ZNF675: variants seen among roughly 807,000 people sequenced by gnomAD.
The protein encoded by ZNF675 is TRAF6 inhibitory zinc finger.
In ZNF675, 36 loss-of-function variants were observed where a neutral mutation model predicts 56.1. The observed-to-expected ratio is 0.64, with a 90% confidence interval of 0.49 to 0.85. ZNF675 has a LOEUF of 0.85. ZNF675 is among the 40% of genes least tolerant of loss of function. The probability of loss-of-function intolerance (pLI) is 0.00; values close to 1 mark genes in which losing one functional copy is unlikely to be tolerated. For synonymous variants in ZNF675, 200 were observed against 218.9 expected (o/e 0.91, Z 0.76); for missense variants, 663 against 654.2 (o/e 1.01, Z -0.15).
At chr19:23,674,597 G>A (rs1361559913) in intron 1 of ZNF675, among the ~76,000 whole-genome samples, 2 of 138,624 alleles carry the variant, frequency 1.4e-5, no homozygotes, top group African/African-American at 2.8e-5. Flanking sequence ...GAGCCTGGTC[G>A]ACAGAACGAG....
At chr19:23,655,105 C>T (rs142148231) in intron 3 of ZNF675, 14,586 of 153,456 alleles carry the variant, frequency 0.095, 764 homozygotes, top group East Asian at 0.22. Flanking sequence ...GGCATGGTGG[C>T]GGGAGCCTGT....
At chr19:23,687,001 C>A (rs766914401) in intron 1 of ZNF675, 30 bp downstream of exon 1, 16 of 1,613,672 alleles carry the variant, frequency 9.9e-6, no homozygotes, top group Non-Finnish European at 1.3e-5. Flanking sequence ...CCCCTTCCCC[C>A]TCTCGGGATG....
chr19:23,684,847 GA>G (rs1266407611), intron 1 of ZNF675, among the ~76,000 whole-genome samples: 2 of 151,948 alleles, frequency 1.3e-5, no homozygotes, highest in Non-Finnish European at 2.9e-5. Context: ...TTTGTCTTTT[GA>G]AATGCTATTT....
intron 1 of ZNF675, among the ~76,000 whole-genome samples, chr19:23,670,836 T>C (rs998773764): frequency 6.6e-6 from 1 of 152,146 alleles, no homozygotes; most frequent in Non-Finnish European, 1.5e-5. Flanking sequence ...TAGCAACCTG[T>C]TGCATCCCTT....
chr19:23,681,708 G>A (rs1299995581), intron 1 of ZNF675, among the ~76,000 whole-genome samples: 1 of 151,642 alleles, frequency 6.6e-6, no homozygotes, highest in Non-Finnish European at 1.5e-5. Flanking sequence ...AAACTTCATG[G>A]GCTGATCTAT....
intron 1 of ZNF675, among the ~76,000 whole-genome samples, chr19:23,671,350 C>T (rs550880464): frequency 6.6e-6 from 1 of 152,172 alleles, no homozygotes; most frequent in South Asian, 2.1e-4. Flanking sequence ...AGAAAAACGG[C>T]AAGTCAAAAT....
intron 1 of ZNF675, among the ~76,000 whole-genome samples, chr19:23,676,302 A>G (rs1968293740): frequency 1.3e-5 from 2 of 151,800 alleles, no homozygotes; most frequent in Non-Finnish European, 2.9e-5. Context: ...TATTTTTACT[A>G]AAACTATTCC....
chr19:23,666,076 G>A (rs980295729), intron 1 of ZNF675, among the ~76,000 whole-genome samples: 1 of 152,214 alleles, frequency 6.6e-6, no homozygotes, highest in Non-Finnish European at 1.5e-5. Flanking sequence ...AGGGTCTGGA[G>A]GCAGGGAACC....
At chr19:23,667,808 C>T (rs538477502) in intron 1 of ZNF675, among the ~76,000 whole-genome samples, 3 of 150,378 alleles carry the variant, frequency 2.0e-5, no homozygotes, top group Non-Finnish European at 2.9e-5. Context: ...CTCCAAGGCC[C>T]CACCAGAGCA....
intron 1 of ZNF675, among the ~76,000 whole-genome samples, chr19:23,684,657 A>G (rs1968420852): frequency 6.6e-6 from 1 of 152,082 alleles, no homozygotes. Flanking sequence ...AAAAAAAAGA[A>G]AACAGGTGTG....
At chr19:23,679,714 A>C (rs7255358) in intron 1 of ZNF675, among the ~76,000 whole-genome samples, 146,570 of 151,020 alleles carry the variant, frequency 0.97, 71,434 homozygotes, top group Middle Eastern at 1. Context: ...CAGGCACCAC[A>C]ACCTACTTGC....
intron 1 of ZNF675, among the ~76,000 whole-genome samples, chr19:23,670,077 C>A (rs1259750056): frequency 1.3e-5 from 2 of 152,018 alleles, no homozygotes; most frequent in Non-Finnish European, 2.9e-5. Flanking sequence ...CTCTACTTTG[C>A]AAAGTCCTCT....
At chr19:23,669,846 C>CT (rs1968206287) in intron 1 of ZNF675, among the ~76,000 whole-genome samples, 1 of 111,724 alleles carries the variant, frequency 9.0e-6, no homozygotes, top group Admixed American at 1.1e-4. Context: ...GAGCAAGACT[C>CT]TGTCTCAAAA....
chr19:23,659,829 T>A (rs1187706790), intron 3 of ZNF675, among the ~76,000 whole-genome samples: 2 of 151,772 alleles, frequency 1.3e-5, no homozygotes, highest in Non-Finnish European at 2.9e-5. Context: ...TACAGCCATG[T>A]GGACTGGCCT....
rs766021054 is a variant in ZNF675 at position 23,654,512 on chromosome 19, T to C, written c.421A>G (p.Ser141Gly). Residue 141 changes from serine to glycine, a missense_variant, in exon 4 of 4, where the codon AGC (serine) becomes GGC (glycine). Transcript: ENST00000359788. ...GLNQCLPTMQ[S>G]KMFQCDKYVK... ...TATTTATCACATTGAAACATTTTGC[T>C]CTGCATAGTTGGTAAACATTGGTTA... 1.9e-6 allele frequency: 3 copies of C among 1,605,074 alleles called. No homozygotes were observed. The highest frequency in any genetic ancestry group is 2.6e-6 in the Non-Finnish European group (3 of 1,175,856).
chr19:23,653,462 G>A lies in ZNF675; in HGVS notation c.1471C>T (p.His491Tyr). 1.9e-6 allele frequency: 3 copies of A among 1,612,858 alleles called. No individual in the cohort carries two copies. Among genetic ancestry groups the A allele is most frequent in the Non-Finnish European group, 2.5e-6 (3 of 1,179,722 alleles). The change falls in exon 4 of 4, where the codon CAC becomes TAC. Residue 491 changes from histidine to tyrosine, a missense_variant. Transcript: ENST00000359788. ...TTATGTGTAGTAAGGGATGAGGAGTGTTTAAAAGCTTTGCCACATTCTTCA... is the reference window on the plus strand; with the variant it reads ...TTATGTGTAGTAAGGGATGAGGAGTATTTAAAAGCTTTGCCACATTCTTCA... ...KCEECGKAFK[H>Y]SSSLTTHKRI...
intron 1 of ZNF675, among the ~76,000 whole-genome samples, chr19:23,669,550 G>A (rs2144938756): frequency 6.6e-6 from 1 of 152,172 alleles, no homozygotes; most frequent in East Asian, 1.9e-4. Flanking sequence ...TTAAAGGGTT[G>A]CTTTAAATGG....
intron 1 of ZNF675, among the ~76,000 whole-genome samples, chr19:23,682,872 AT>A: frequency 6.6e-6 from 1 of 151,842 alleles, no homozygotes; most frequent in East Asian, 1.9e-4. Flanking sequence ...CAATTAAAGT[AT>A]TATTTTATTA....
chr19:23,676,508 T>C (rs1421522236), intron 1 of ZNF675, among the ~76,000 whole-genome samples: 2 of 151,744 alleles, frequency 1.3e-5, no homozygotes, highest in Non-Finnish European at 2.9e-5. Flanking sequence ...TAATCCACCA[T>C]TATCAAGTAG....
Sources: gnomAD v4.1 joint callset for allele counts (sites outside exome capture counted in the v4.1 genomes callset) on GRCh38, gnomAD v4.1.1 for gene constraint, MANE v1.5 for transcripts, NCBI Gene and HGNC (gene_info 2026-07-23, HGNC 2026-07-21) for gene names.